The following CPSF1 variants were observed in gnomAD, a reference collection of about 807,000 sequenced individuals.
The protein encoded by CPSF1 is cleavage and polyadenylation specific factor 1, also known as cleavage and polyadenylation specificity factor subunit 1.
CPSF1 carries 106 observed loss-of-function variants against 175.8 expected under a neutral mutation model. That is an observed-to-expected ratio of 0.60 (90% confidence interval 0.52 to 0.71). The LOEUF (loss-of-function observed/expected upper bound fraction) is 0.71, where lower values mean the gene tolerates loss of function less well. Ranked by LOEUF, CPSF1 falls within the 30% of genes least tolerant of loss-of-function variation. CPSF1 has a pLI of 0.00. For synonymous variants in CPSF1, 1,024 were observed against 858.3 expected (o/e 1.19, Z -3.37); for missense variants, 1,734 against 2,022.9 (o/e 0.86, Z 2.74).
intron 19 of CPSF1, 69 bp downstream of exon 19, chr8:144,398,233 C>A (rs868978801): frequency 1.5e-5 from 16 of 1,071,476 alleles, no homozygotes; most frequent in African/African-American, 1.2e-4. Context: ...ACCTCCCCCC[C>A]ACCGTCCCCA....
Position 144,398,548 on chromosome 8 carries a change from G to C in CPSF1, c.1729C>G (p.Leu577Val). ...DDGRRHGFLI[L>V]SREDSTMILQ... is the part of the protein sequence containing the mutation. ...ACCATGGTGGAGTCTTCCCGGCTCA[G>C]AATCAGGAATCCGTGTCTGCGGCCG... is the stretch of plus-strand genomic sequence containing the variant. Residue 577 changes from leucine (L) to valine (V), a missense_variant, in exon 18 of 38, where the codon CTG becomes GTG. This residue lies in a region of CPSF1 where 280 missense variants were observed against 349.2 expected (regional missense o/e 0.80). Transcript: ENST00000616140. 6.2e-7 allele frequency: 1 copy of C among 1,613,866 alleles called. No homozygotes were observed. The highest frequency in any genetic ancestry group is 8.5e-7 in the Non-Finnish European group (1 of 1,179,958).
At position 144,409,137 on chromosome 8, in the gene CPSF1, C is replaced by T; in HGVS notation, c.22G>A (p.Ala8Thr). Residue 8 changes from alanine (A) to threonine (T), a missense_variant, in exon 2 of 38, where the codon GCG becomes ACG. Around this residue, in one of 10 missense-constraint regions of CPSF1, gnomAD observed 126 missense variants for 117.9 expected, o/e 1.07. Transcript: ENST00000616140. ...AACTCCAGACCGGTGGGCGGATGCG[C>T]CTGTTTGTACACGGCGTACATGGCG... MYAVYKQAHPPTGLEFSM... is the reference protein window; with the variant it reads MYAVYKQTHPPTGLEFSM... The T allele has an allele frequency of 6.2e-7, 1 of 1,612,468 alleles. No homozygotes were observed.
intron 2 of CPSF1, among the ~76,000 whole-genome samples, chr8:144,405,630 GA>G (rs1177022599): frequency 7.4e-5 from 11 of 147,702 alleles, no homozygotes; most frequent in African/African-American, 1.5e-4. Context: ...TCTCAAAAAA[GA>G]AAAAAAAAAG....
chr8:144,395,025 T>C lies in CPSF1; in HGVS notation c.3273-2A>G. On this transcript the variant is annotated splice_acceptor_variant, in intron 29 of 37. Transcript: ENST00000616140. LOFTEE classifies it high-confidence loss of function. ...TGCTCCCACTCCTGCAGCTCGATCC[T>C]GTGGGGGCCAGGGGCCTCAGGATGC... The C allele has an allele frequency of 6.2e-7, 1 of 1,607,666 alleles. No individual in the cohort carries two copies. The highest frequency in any genetic ancestry group is 8.5e-7 in the Non-Finnish European group (1 of 1,176,190).
chr8:144,395,409 C>T, intron 27 of CPSF1, 26 bp downstream of exon 27: 1 of 1,232,818 alleles, frequency 8.1e-7, no homozygotes, highest in South Asian at 1.2e-5. Flanking sequence ...CAGAAGGTCC[C>T]TGGTGGGGTG....
At position 144,396,687 on chromosome 8, in the gene CPSF1, C is replaced by T. The variant is rs782817931; in HGVS notation, c.2737G>A (p.Ala913Thr). ...EKKPKPSKKK[A>T]EGGGAEEGAG... ...CCCTCCTCTGCGCCGCCACCTTCTG[C>T]TTTCTTCTTGGATGGCTTTGGCTTC... is the stretch of plus-strand genomic sequence containing the variant. Residue 913 changes from alanine to threonine, a missense_variant, in exon 25 of 38, where the codon GCA becomes ACA. By Grantham distance (58) the Ala-to-Thr change is moderately conservative. Coordinates refer to ENST00000616140, the MANE Select transcript of CPSF1 (RefSeq NM_013291.3). The T allele has an allele frequency of 1.1e-5, 18 of 1,613,848 alleles. 1 individual carries two copies. The highest frequency in any genetic ancestry group is 1.0e-4 in the Admixed American group (6 of 60,004).
chr8:144,406,228 G>A lies in CPSF1; in HGVS notation c.144+2787C>T, dbSNP rs2116904605. On this transcript the variant is annotated intron_variant, in intron 2 of 37. Coordinates refer to ENST00000616140, the MANE Select transcript of CPSF1 (RefSeq NM_013291.3). ...ATTTATGGCTCCATTTCTTGCTTCA[G>A]TTTACGCACATCTCCTCCAGAGTTG... 1.3e-4 allele frequency among the ~76,000 whole-genome samples: 20 copies of A among 152,316 alleles called. 1 individual carries two copies. In the South Asian group the frequency reaches 4.1e-3, roughly 32 times the overall value.
Position 144,395,166 on chromosome 8 carries a change from G to A in CPSF1, c.3204C>T (p.His1068=), listed in dbSNP as rs1324328812. ...ETIERDERYI[H]PQQEAFSIQL... ...GGATGGAGAAGGCCTCCTGCTGGGG[G>A]TGGATGTACCGCTCATCTGTGGGGA... The change falls in exon 29 of 38, where the codon CAC becomes CAT. Residue 1068 remains histidine, a synonymous_variant. Coordinates refer to ENST00000616140, the MANE Select transcript of CPSF1 (RefSeq NM_013291.3). The A allele has an allele frequency of 1.2e-6, 2 of 1,612,608 alleles. No homozygotes were observed.
At position 144,398,134 on chromosome 8, in the gene CPSF1, T is replaced by A; in HGVS notation, c.1895-2A>T. The A allele has an allele frequency of 6.7e-7, 1 of 1,484,292 alleles. No homozygotes were observed. Among genetic ancestry groups the A allele is most frequent in the Non-Finnish European group, 9.0e-7 (1 of 1,111,896 alleles). 91.9% of individuals were successfully genotyped at this position (1,484,292 alleles called of 1,614,324 possible). ...CGGGGATGAAGTGCAGCTGATTCAC[T>A]GTAGGCATGGGGCAGTCAGCATGCG... On this transcript the variant is annotated splice_acceptor_variant, in intron 19 of 37. Coordinates refer to ENST00000616140, the MANE Select transcript of CPSF1 (RefSeq NM_013291.3). LOFTEE classifies it high-confidence loss of function.
intron 17 of CPSF1, 55 bp from the exon 18 acceptor site, chr8:144,398,693 C>T (rs2116853681): frequency 5.5e-5 from 89 of 1,604,820 alleles, no homozygotes; most frequent in East Asian, 3.4e-4. Context: ...AAGGCAGGCA[C>T]GCAGGTGCGA....
In CPSF1 at chr8:144,399,886, T is replaced by A; in HGVS notation, c.1032-18A>T. 6.4e-7 allele frequency: 1 copy of A among 1,555,130 alleles called. No individual in the cohort carries two copies. Among genetic ancestry groups the A allele is most frequent in the Non-Finnish European group, 8.7e-7 (1 of 1,150,376 alleles). On this transcript the variant is annotated intron_variant, in intron 10 of 37. Transcript: ENST00000616140. This position sits in a 1 kb window ranked among gnomAD's most constrained non-coding sequence, Gnocchi z 6.4. The stretch of plus-strand genomic sequence containing the variant: ...GCACGTAGCTGGGGGCAGGGAGAAT[T>A]CTGAGTCGGGGATGGGGACCCTGGG...
chr8:144,398,685 G>C, intron 17 of CPSF1, 47 bp from the exon 18 acceptor site: 1 of 1,607,750 alleles, frequency 6.2e-7, no homozygotes, highest in Non-Finnish European at 8.5e-7. Flanking sequence ...GTCCAGTGAA[G>C]GCAGGCACGC....
rs1430174261 is a variant in CPSF1 at position 144,395,514 on chromosome 8, G to C, written c.3017C>G (p.Ser1006Cys). 4 of 1,572,512 alleles carry C rather than the reference G, an allele frequency of 2.5e-6. No individual in the cohort carries two copies. Among genetic ancestry groups the C allele is most frequent in the Non-Finnish European group, 2.6e-6 (3 of 1,154,832 alleles). Residue 1006 changes from serine (S) to cysteine (C), a missense_variant, in exon 27 of 38, where the codon TCC (serine) becomes TGC (cysteine). This residue lies in a region of CPSF1 where 585 missense variants were observed against 584.7 expected (regional missense o/e 1.00). Coordinates refer to ENST00000616140, the MANE Select transcript of CPSF1 (RefSeq NM_013291.3). ...LRISVLPAYL[S>C]YDAPWPVRKI... ...CCTGACAGGCCATGGGGCATCATAG[G>C]ACAGGTAGGCAGGCAGGACACTGAT... is the stretch of plus-strand genomic sequence containing the variant.
In CPSF1 at chr8:144,398,642, T is replaced by A; in HGVS notation, c.1639-4A>T. ...CCTCCCCCTTGGGATTGTCCTCCTG[T>A]CAGGGCCAAAGGGGGGCAGGCTGGA... On this transcript the variant is annotated splice_region_variant and splice_polypyrimidine_tract_variant and intron_variant, in intron 17 of 37. Coordinates refer to ENST00000616140, the MANE Select transcript of CPSF1 (RefSeq NM_013291.3). The A allele has an allele frequency of 6.2e-7, 1 of 1,613,590 alleles. No individual in the cohort carries two copies. Among genetic ancestry groups the A allele is most frequent in the Non-Finnish European group, 8.5e-7 (1 of 1,179,844 alleles).
chr8:144,400,533 C>T lies in CPSF1; in HGVS notation c.687-40G>A, dbSNP rs2116876070. On this transcript the variant is annotated intron_variant, in intron 7 of 37. Coordinates refer to ENST00000616140, the MANE Select transcript of CPSF1 (RefSeq NM_013291.3). ...GGGTCAGCCAAGGGCCTTGCCTCCCCGCAGAGACCCAGGCCCAGCTCCTCC... is the reference window on the plus strand; with the variant it reads ...GGGTCAGCCAAGGGCCTTGCCTCCCTGCAGAGACCCAGGCCCAGCTCCTCC... 5.3e-5 allele frequency: 85 copies of T among 1,610,356 alleles called. No homozygotes were observed. In the South Asian group the frequency reaches 6.5e-4, roughly 12 times the overall value.
Position 144,399,879 on chromosome 8 carries a change from G to A in CPSF1, c.1032-11C>T. On this transcript the variant is annotated splice_polypyrimidine_tract_variant and intron_variant, in intron 10 of 37. Coordinates refer to ENST00000616140, the MANE Select transcript of CPSF1 (RefSeq NM_013291.3). This position sits in a 1 kb window ranked among gnomAD's most constrained non-coding sequence, Gnocchi z 6.4. ...AGGGTCAGCACGTAGCTGGGGGCAG[G>A]GAGAATTCTGAGTCGGGGATGGGGA... The A allele has an allele frequency of 6.4e-7, 1 of 1,555,948 alleles. No homozygotes were observed. The highest frequency in any genetic ancestry group is 8.7e-7 in the Non-Finnish European group (1 of 1,150,072).
chr8:144,400,135 G>GGGCGCCCCCCCC, intron 9 of CPSF1, 31 bp downstream of exon 9: 1 of 896,010 alleles, frequency 1.1e-6, no homozygotes, highest in Non-Finnish European at 1.6e-6. Flanking sequence ...CCGTCCCCGG[G>GGGCGCCCCCCCC]CCCCCCCCGC....
chr8:144,407,082 T>A (rs2116907242), intron 2 of CPSF1, among the ~76,000 whole-genome samples: 1 of 152,120 alleles, frequency 6.6e-6, no homozygotes, highest in African/African-American at 2.4e-5. Flanking sequence ...ACCCAGCTAA[T>A]TTTTGTATTT....
chr8:144,397,101 GGC>G lies in CPSF1; in HGVS notation c.2592+104_2592+105del, dbSNP rs1316924018. The G allele has an allele frequency of 5.2e-6, 6 of 1,156,376 alleles. No homozygotes were observed. In the Admixed American group the frequency reaches 1.3e-4, roughly 25 times the overall value. 71.6% of individuals were successfully genotyped at this position (1,156,376 alleles called of 1,614,324 possible). ...GGGGTGGAGCCACGGGAAGGGGCGG[GGC>G]CGTGGGGGAGATGGGGTGGAGCCAC... On this transcript the variant is annotated intron_variant, in intron 23 of 37. Coordinates refer to ENST00000616140, the MANE Select transcript of CPSF1 (RefSeq NM_013291.3).
Sources: gnomAD v4.1 joint callset for allele counts (sites outside exome capture counted in the v4.1 genomes callset) on GRCh38, gnomAD v4.1.1 for gene constraint, gnomAD v4.1.1 regional missense constraint, Gnocchi (gnomAD v3.1) non-coding constraint, MANE v1.5 for transcripts, NCBI Gene and HGNC (gene_info 2026-07-23, HGNC 2026-07-21) for gene names.